The following MPDZ variants were observed in gnomAD, a reference collection of about 807,000 sequenced individuals.
The protein encoded by MPDZ is multiple PDZ domain crumbs cell polarity complex component.
A neutral mutation model predicts 239.1 loss-of-function variants in MPDZ; 234 were observed. That is an observed-to-expected ratio of 0.98 (90% confidence interval 0.88 to 1.09). MPDZ has a LOEUF of 1.09. Among genes scored for constraint, MPDZ ranks in the 50% least tolerant of loss-of-function variants. The pLI, the probability that MPDZ is intolerant of heterozygous loss-of-function variation, is 0.00. For missense variants in MPDZ, 3,175 were observed against 2,510.0 expected, an observed-to-expected ratio of 1.26 and a Z score of -5.66; for synonymous variants, 1,048 against 881.3, an observed-to-expected ratio of 1.19 and a Z score of -3.35.
chr9:13,137,069 A>T (rs1014064553), intron 29 of MPDZ, among the ~76,000 whole-genome samples: 2 of 152,160 alleles, frequency 1.3e-5, no homozygotes, highest in Non-Finnish European at 2.9e-5. Flanking sequence ...GACCAACTGC[A>T]GGAGAGTAGA....
chr9:13,243,286 A>G lies in MPDZ; in HGVS notation c.183+4349T>C, dbSNP rs143769371. On this transcript the variant is annotated intron_variant, in intron 3 of 46. Transcript: ENST00000319217. ...ATATAAGAATATGAGCCTCCATGAG[A>G]TAACCCACCCATTGCCAAGGGAAAA... Among the ~76,000 whole-genome samples the G allele has an allele frequency of 1.7e-3, 259 of 152,244 alleles. 2 individuals are homozygous for G. Among genetic ancestry groups the G allele is most frequent in the African/African-American group, 6.0e-3 (248 of 41,534 alleles).
chr9:13,142,231 C>T (rs868501057), intron 27 of MPDZ, among the ~76,000 whole-genome samples: 1 of 151,414 alleles, frequency 6.6e-6, no homozygotes, highest in Non-Finnish European at 1.5e-5. Flanking sequence ...ATTTTAAGAA[C>T]AAACAAACAA....
At chr9:13,228,254 G>A (rs1961252023) in intron 3 of MPDZ, among the ~76,000 whole-genome samples, 1 of 151,888 alleles carries the variant, frequency 6.6e-6, no homozygotes, top group African/African-American at 2.4e-5. Context: ...GTCTAAAGGG[G>A]GCTTTTATGT....
intron 1 of MPDZ, among the ~76,000 whole-genome samples, chr9:13,275,475 T>C (rs1973955296): frequency 6.6e-6 from 1 of 152,202 alleles, no homozygotes. Flanking sequence ...TAAATTCCTG[T>C]GGTTTCAGCC....
Position 13,176,155 on chromosome 9 carries a change from A to G in MPDZ, c.2912T>C (p.Leu971Pro), listed in dbSNP as rs1326678349. 10 of 1,599,886 alleles carry G rather than the reference A, an allele frequency of 6.3e-6. No homozygotes were observed. The highest frequency in any genetic ancestry group is 7.7e-6 in the Non-Finnish European group (9 of 1,172,158). ...VISSAELPSVLPDSAGKGSEY... is the reference protein window; with the variant it reads ...VISSAELPSVPPDSAGKGSEY... ...TATTACCTTTCCAGCTGAATCGGGT[A>G]GCACAGAAGGAAGTTCTGCACTTGA... is the stretch of plus-strand genomic sequence containing the variant. The change falls in exon 20 of 47, where the codon CTA becomes CCA. Residue 971 changes from leucine (L) to proline (P), a missense_variant. Coordinates refer to ENST00000319217, the MANE Select transcript of MPDZ (RefSeq NM_001378778.1).
chr9:13,259,723 TA>T lies in MPDZ; in HGVS notation c.-57-9352del, dbSNP rs199964292. Among the ~76,000 whole-genome samples, 1,100 of 152,214 alleles carry T rather than the reference TA, an allele frequency of 7.2e-3. 11 individuals carry two copies. Among genetic ancestry groups the T allele is most frequent in the African/African-American group, 0.024 (1,003 of 41,522 alleles). On this transcript the variant is annotated intron_variant, in intron 1 of 46. Coordinates refer to ENST00000319217, the MANE Select transcript of MPDZ (RefSeq NM_001378778.1). ...GCACTGCATGTAGTTTCTTATATAGTAACCTGGATTGGGGCTGAGGAAAAAG... is the reference window on the plus strand; with the variant it reads ...GCACTGCATGTAGTTTCTTATATAGTACCTGGATTGGGGCTGAGGAAAAAG...
intron 1 of MPDZ, among the ~76,000 whole-genome samples, chr9:13,278,009 A>C (rs1422353865): frequency 6.6e-6 from 1 of 152,180 alleles, no homozygotes; most frequent in African/African-American, 2.4e-5. Flanking sequence ...TAAAACTCCC[A>C]AGCCCGAAAC....
chr9:13,106,700 G>C lies in MPDZ; in HGVS notation c.*265C>G. 1 of 369,270 alleles carries C rather than the reference G, an allele frequency of 2.7e-6. No individual in the cohort carries two copies. The allele number at this position is 369,270 out of a possible 1,614,324, so 22.9% of individuals were successfully genotyped here. A position where few individuals can be genotyped will look rare whatever the true frequency, so the allele number is the denominator to read the frequency against. ...TTGCCCATGTGACTACAAAACATTAGATATCTCCACAAATAAAAACGAGAT... is the reference window on the plus strand; with the variant it reads ...TTGCCCATGTGACTACAAAACATTACATATCTCCACAAATAAAAACGAGAT... On this transcript the variant is annotated 3_prime_UTR_variant, in exon 47 of 47. Coordinates refer to ENST00000319217, the MANE Select transcript of MPDZ (RefSeq NM_001378778.1).
At chr9:13,262,791 TCA>T (rs1970983046) in intron 1 of MPDZ, among the ~76,000 whole-genome samples, 1 of 152,020 alleles carries the variant, frequency 6.6e-6, no homozygotes, top group African/African-American at 2.4e-5. Flanking sequence ...AAGAACAGAC[TCA>T]GAGTCCAAAT....
At chr9:13,214,237 C>A (rs576175233) in intron 10 of MPDZ, among the ~76,000 whole-genome samples, 2 of 151,944 alleles carry the variant, frequency 1.3e-5, no homozygotes, top group South Asian at 2.1e-4. Flanking sequence ...TATTATTCAG[C>A]AATAAAGGGA....
chr9:13,239,071 G>A (rs1231636119), intron 3 of MPDZ, among the ~76,000 whole-genome samples: 3 of 152,030 alleles, frequency 2.0e-5, no homozygotes. Context: ...AAACCAAAAT[G>A]TTTCACAGGA....
chr9:13,220,013 T>C (rs952841718), intron 7 of MPDZ, among the ~76,000 whole-genome samples: 2 of 152,010 alleles, frequency 1.3e-5, no homozygotes, highest in South Asian at 4.1e-4. Context: ...TTCATTTTGA[T>C]TCTACCTACC....
intron 25 of MPDZ, 47 bp from the exon 26 acceptor site, chr9:13,147,705 A>G: frequency 6.9e-7 from 1 of 1,443,182 alleles, no homozygotes; most frequent in South Asian, 1.2e-5. Context: ...CTATAGAACA[A>G]CAAAAAAATG....
rs74455719 is a variant in MPDZ, at chr9:13,186,984, T to C, written c.2365-598A>G. Among the ~76,000 whole-genome samples, 675 of 152,224 alleles carry C rather than the reference T, an allele frequency of 4.4e-3. 4 individuals are homozygous for C. The highest frequency in any genetic ancestry group is 0.016 in the African/African-American group (648 of 41,560). ...TCTACATATCCACAGTCTGCTTAAC[T>C]TGCAGGTTAGAGATATCGTATCACA... On this transcript the variant is annotated intron_variant, in intron 17 of 46. Transcript: ENST00000319217.
chr9:13,186,726 G>A (rs541399682), intron 17 of MPDZ, among the ~76,000 whole-genome samples: 1 of 151,104 alleles, frequency 6.6e-6, no homozygotes, highest in Non-Finnish European at 1.5e-5. Flanking sequence ...ATTTTTATCT[G>A]CAAAATATTC....
intron 15 of MPDZ, among the ~76,000 whole-genome samples, chr9:13,191,796 A>C (rs1954966933): frequency 1.3e-5 from 2 of 152,178 alleles, no homozygotes; most frequent in South Asian, 4.1e-4. Context: ...GAAATGCTGC[A>C]AGTAAATTAA....
At chr9:13,142,940 G>C (rs563645406) in intron 27 of MPDZ, among the ~76,000 whole-genome samples, 38 of 152,140 alleles carry the variant, frequency 2.5e-4, no homozygotes, top group African/African-American at 8.7e-4. Context: ...TCCAAGTATA[G>C]ATTTACGAGC....
chr9:13,178,245 C>T (rs375688719), intron 19 of MPDZ, among the ~76,000 whole-genome samples: 1 of 129,918 alleles, frequency 7.7e-6, no homozygotes, highest in East Asian at 2.2e-4. Flanking sequence ...GGTAACAGAG[C>T]GAGACTGCAT....
chr9:13,214,637 AG>A (rs1587850658), intron 10 of MPDZ, among the ~76,000 whole-genome samples: 3 of 152,070 alleles, frequency 2.0e-5, no homozygotes, highest in African/African-American at 7.2e-5. Context: ...TAGATTACTT[AG>A]GAGAAAAAAG....
Sources: gnomAD v4.1 joint callset for allele counts (sites outside exome capture counted in the v4.1 genomes callset) on GRCh38, gnomAD v4.1.1 for gene constraint, MANE v1.5 for transcripts, NCBI Gene and HGNC (gene_info 2026-07-23, HGNC 2026-07-21) for gene names.